Variants in TRAPPC3L observed in about 807,000 individuals in gnomAD.
TRAPPC3L encodes trafficking protein particle complex subunit 3L.
TRAPPC3L carries 23 observed loss-of-function variants against 23.7 expected under a neutral mutation model. The ratio of observed to expected loss-of-function variants is 0.97; its 90% CI spans 0.70 to 1.37. TRAPPC3L has a LOEUF of 1.37. Ranked by LOEUF, TRAPPC3L falls within the 40% of genes most tolerant of loss-of-function variation. The pLI is 0.00. For missense variants in TRAPPC3L, 212 were observed against 216.8 expected (o/e 0.98, Z 0.14); for synonymous variants, 81 against 77.9 (o/e 1.04, Z -0.21).
intron 3 of TRAPPC3L, among the ~76,000 whole-genome samples, chr6:116,515,033 A>G (rs146171946): frequency 6.6e-6 from 1 of 152,334 alleles, no homozygotes; most frequent in African/African-American, 2.4e-5. Flanking sequence ...ACCAAAAATC[A>G]AGACAAATCA....
chr6:116,500,389 C>T (rs923213141), intron 4 of TRAPPC3L, 92 bp downstream of exon 4: 87 of 1,180,908 alleles, frequency 7.4e-5, no homozygotes, highest in Middle Eastern at 2.3e-4. Context: ...ACCAATATAC[C>T]CAGCAAAATG....
At chr6:116,508,497 CAT>C (rs2115161136) in intron 3 of TRAPPC3L, among the ~76,000 whole-genome samples, 1 of 152,174 alleles carries the variant, frequency 6.6e-6, no homozygotes, top group African/African-American at 2.4e-5. Context: ...TTCTTGTCAG[CAT>C]AGAGAATGGA....
intron 3 of TRAPPC3L, among the ~76,000 whole-genome samples, chr6:116,501,231 C>A (rs1364810376): frequency 6.6e-6 from 1 of 152,224 alleles, no homozygotes; most frequent in African/African-American, 2.4e-5. Flanking sequence ...GCCCATGGAG[C>A]CTTGCTCACT....
chr6:116,520,330 A>G (rs775863054), intron 3 of TRAPPC3L: 10 of 152,198 alleles, frequency 6.6e-5, no homozygotes, highest in African/African-American at 9.6e-5. Flanking sequence ...GAATTCTCTA[A>G]GGTAATTATC....
chr6:116,502,901 A>G (rs1422834495), intron 3 of TRAPPC3L, among the ~76,000 whole-genome samples: 8 of 152,180 alleles, frequency 5.3e-5, no homozygotes, highest in African/African-American at 1.7e-4. Context: ...GGAACAACCG[A>G]TACCAGCCAC....
At chr6:116,528,645 T>C (rs1424450152) in intron 3 of TRAPPC3L, among the ~76,000 whole-genome samples, 1 of 152,250 alleles carries the variant, frequency 6.6e-6, no homozygotes, top group African/African-American at 2.4e-5. Flanking sequence ...TTAATTGATT[T>C]CCGCTCCCTT....
chr6:116,509,136 G>A (rs1233444455), intron 3 of TRAPPC3L, among the ~76,000 whole-genome samples: 3 of 143,884 alleles, frequency 2.1e-5, no homozygotes, highest in East Asian at 2.0e-4. Flanking sequence ...ATACTTAATC[G>A]AAGAGGTGGA....
intron 3 of TRAPPC3L, among the ~76,000 whole-genome samples, chr6:116,506,416 G>A (rs2115159232): frequency 6.6e-6 from 1 of 152,256 alleles, no homozygotes; most frequent in East Asian, 1.9e-4. Context: ...ACTGTTGGTG[G>A]GAGTGTAAAT....
At chr6:116,515,458 G>A (rs1772203487) in intron 3 of TRAPPC3L, 11 of 961,374 alleles carry the variant, frequency 1.1e-5, no homozygotes, top group African/African-American at 1.6e-5. Flanking sequence ...AGTTTAAAGT[G>A]TTTAAAAATT....
At chr6:116,529,105 T>C in intron 3 of TRAPPC3L, 1 of 152,566 alleles carries the variant, frequency 6.6e-6, no homozygotes, top group Non-Finnish European at 1.5e-5. Flanking sequence ...GTTGTGAACC[T>C]GTGTTCTCCA....
chr6:116,514,420 ATAT>A (rs1167460355), intron 3 of TRAPPC3L, among the ~76,000 whole-genome samples: 6 of 152,320 alleles, frequency 3.9e-5, no homozygotes, highest in Non-Finnish European at 7.3e-5. Context: ...GTACAGAAAG[ATAT>A]TATGAGTTCA....
chr6:116,524,339 T>G (rs1012392310), intron 3 of TRAPPC3L: 3 of 152,314 alleles, frequency 2.0e-5, no homozygotes, highest in South Asian at 2.1e-4. Flanking sequence ...CATGGTCACC[T>G]CAGTTATTTT....
rs144179208 is a variant in TRAPPC3L at position 116,521,991 on chromosome 6, G to C, written c.240+18372C>G. 17 of 152,084 alleles carry C rather than the reference G, an allele frequency of 1.1e-4. No homozygotes were observed. In the East Asian group the frequency reaches 3.3e-3, roughly 30 times the overall value. The allele number at this position is 152,084 out of a possible 1,614,324, so 9.4% of individuals were successfully genotyped here. The stretch of plus-strand genomic sequence containing the variant: ...TCAGGGACTACCAAGCTCTGAAGAG[G>C]CCCAAGCTAGCCAGTGGGAGGAGAG... On this transcript the variant is annotated intron_variant, in intron 3 of 4. Transcript: ENST00000368602.
chr6:116,506,815 G>A (rs1772014883), intron 3 of TRAPPC3L, among the ~76,000 whole-genome samples: 1 of 152,168 alleles, frequency 6.6e-6, no homozygotes, highest in Non-Finnish European at 1.5e-5. Context: ...GTTGAACAAT[G>A]AGAACACATG....
chr6:116,538,254 T>A (rs959241725), intron 3 of TRAPPC3L, among the ~76,000 whole-genome samples: 3 of 152,172 alleles, frequency 2.0e-5, no homozygotes, highest in African/African-American at 4.8e-5. Context: ...AATCCTCCCA[T>A]GTCACTGCAC....
intron 3 of TRAPPC3L, among the ~76,000 whole-genome samples, chr6:116,507,645 C>A (rs2115160404): frequency 6.6e-6 from 1 of 152,184 alleles, no homozygotes; most frequent in East Asian, 1.9e-4. Flanking sequence ...GTACTGTCTG[C>A]AGTTTGGGGG....
At chr6:116,511,848 G>A (rs1330166502) in intron 3 of TRAPPC3L, 2 of 1,613,996 alleles carry the variant, frequency 1.2e-6, no homozygotes, top group South Asian at 1.1e-5. Context: ...ATGACCTATG[G>A]GCTGGTTTTC....
intron 4 of TRAPPC3L, among the ~76,000 whole-genome samples, chr6:116,499,344 G>A (rs1042222849): frequency 5.9e-5 from 9 of 152,116 alleles, no homozygotes; most frequent in South Asian, 2.1e-4. Flanking sequence ...AACTTCCAAA[G>A]TGCCCTAATC....
chr6:116,509,062 CA>C (rs1249245145), intron 3 of TRAPPC3L, among the ~76,000 whole-genome samples: 1 of 121,326 alleles, frequency 8.2e-6, no homozygotes. Context: ...AGAGCCAAAT[CA>C]AGAACTCAAT....
Sources: allele counts gnomAD v4.1 joint callset (sites outside exome capture counted in the v4.1 genomes callset), GRCh38; gene constraint gnomAD v4.1.1; transcripts MANE v1.5; gene names NCBI Gene and HGNC (gene_info 2026-07-23, HGNC 2026-07-21).